Variants in KAZN observed in about 807,000 individuals in gnomAD.
KAZN encodes kazrin.
Under a neutral mutation model 87.4 loss-of-function variants are expected in KAZN, and 40 were observed. The observed-to-expected ratio is 0.46, with a 90% CI of 0.36 to 0.60. The LOEUF (loss-of-function observed/expected upper bound fraction) is 0.60. Among genes scored for constraint, KAZN ranks in the 20% least tolerant of loss-of-function variants. The pLI is 0.00. For missense variants in KAZN, 898 were observed against 1,073.9 expected (o/e 0.84, Z 2.29); for synonymous variants, 466 against 458.3 (o/e 1.02, Z -0.22).
chr1:14,728,403 C>T (rs991018188), intron 1 of KAZN, among the ~76,000 whole-genome samples: 7 of 151,362 alleles, frequency 4.6e-5, no homozygotes, highest in Non-Finnish European at 1.0e-4. Flanking sequence ...GATGAAGCTT[C>T]ACTTGCTCAC....
rs368643098 is a variant in KAZN, at chr1:13,962,079, A to G, written c.91+68323A>G. ...GAGCGTTGGCCATGCAGGAACGAAC[A>G]TTTGTCCTCTTTTTCCTGTTGTGCT... On this transcript the variant is annotated intron_variant, in intron 1 of 16. Transcript: ENST00000636203. Among the ~76,000 whole-genome samples, 61 of 152,252 alleles carry G rather than the reference A, an allele frequency of 4.0e-4. No individual in the cohort carries two copies. In the South Asian group the frequency reaches 0.012, roughly 30 times the overall value.
At chr1:14,912,402 AG>A (rs1310409452) in intron 1 of KAZN, among the ~76,000 whole-genome samples, 2 of 152,172 alleles carry the variant, frequency 1.3e-5, no homozygotes, top group Non-Finnish European at 2.9e-5. Flanking sequence ...GTAAGACAGT[AG>A]GGAGTGGAGG....
At chr1:14,990,211 T>G (rs942663555) in intron 2 of KAZN, among the ~76,000 whole-genome samples, 1 of 152,056 alleles carries the variant, frequency 6.6e-6, no homozygotes, top group Non-Finnish European at 1.5e-5. Flanking sequence ...CACTTGTTTT[T>G]GTTTGTTTGT....
At chr1:14,520,795 G>A (rs1252109418) in intron 2 of KAZN, among the ~76,000 whole-genome samples, 1 of 152,188 alleles carries the variant, frequency 6.6e-6, no homozygotes, top group African/African-American at 2.4e-5. Flanking sequence ...CTAAACCAAA[G>A]ATGGTTTTGT....
intron 1 of KAZN, among the ~76,000 whole-genome samples, chr1:13,978,441 GATAA>G (rs1638483446): frequency 6.6e-6 from 1 of 150,490 alleles, no homozygotes; most frequent in African/African-American, 2.4e-5. Context: ...AATAAAAGAA[GATAA>G]ATAATTACAT....
intron 1 of KAZN, among the ~76,000 whole-genome samples, chr1:14,080,885 A>C (rs1643650271): frequency 6.6e-6 from 1 of 152,190 alleles, no homozygotes. Flanking sequence ...CTCAGCACTA[A>C]ACAGCCCTGA....
intron 1 of KAZN, among the ~76,000 whole-genome samples, chr1:14,704,688 C>T (rs1465144621): frequency 6.6e-6 from 1 of 152,194 alleles, no homozygotes; most frequent in Non-Finnish European, 1.5e-5. Context: ...ATTTACTCCT[C>T]CCAGATCCTC....
At chr1:14,940,635 G>A (rs1660951040) in intron 1 of KAZN, among the ~76,000 whole-genome samples, 1 of 152,188 alleles carries the variant, frequency 6.6e-6, no homozygotes, top group South Asian at 2.1e-4. Flanking sequence ...GGTGGAGGAA[G>A]AGCTGCTGGA....
At chr1:13,953,219 T>C (rs913515813) in intron 1 of KAZN, among the ~76,000 whole-genome samples, 3 of 152,200 alleles carry the variant, frequency 2.0e-5, no homozygotes, top group Admixed American at 6.5e-5. Context: ...TTTGGCTTTA[T>C]TGACTCAGGG....
At chr1:14,763,947 A>G (rs1644813037) in intron 1 of KAZN, among the ~76,000 whole-genome samples, 1 of 152,048 alleles carries the variant, frequency 6.6e-6, no homozygotes, top group Admixed American at 6.6e-5. Flanking sequence ...CAGGGTTTCA[A>G]CATGTTGGCC....
At chr1:14,157,473 G>A (rs1002811973) in intron 1 of KAZN, among the ~76,000 whole-genome samples, 1 of 152,132 alleles carries the variant, frequency 6.6e-6, no homozygotes, top group South Asian at 2.1e-4. Flanking sequence ...TCTCTTTCAT[G>A]TTTGAAGGAT....
intron 1 of KAZN, among the ~76,000 whole-genome samples, chr1:14,941,890 C>T (rs1661121442): frequency 6.6e-6 from 1 of 152,080 alleles, no homozygotes; most frequent in Non-Finnish European, 1.5e-5. Flanking sequence ...TAACTAGAAC[C>T]CGGCATTGGT....
rs1239779075 is a variant in KAZN, at chr1:14,492,665, A to AACCACACACACACACC, written c.250-106317_250-106316insCCACACACACACACCA. Among the ~76,000 whole-genome samples the AACCACACACACACACC allele has an allele frequency of 9.7e-5, 3 of 30,880 alleles. 1 individual carries two copies. Among genetic ancestry groups the AACCACACACACACACC allele is most frequent in the African/African-American group, 1.3e-4 (1 of 7,846 alleles). The allele number at this position is 30,880 out of a possible 152,430, so 20.3% of individuals were successfully genotyped here. ...CATAACCACACATGCACACACCACA[A>AACCACACACACACACC]ATACACACTACACACCACACACACA... On this transcript the variant is annotated intron_variant, in intron 2 of 16. Transcript: ENST00000636203.
chr1:14,251,643 C>CTTTTTTTTTTTTTTTTTTTTTTTTTT (rs549092023), intron 2 of KAZN, among the ~76,000 whole-genome samples: 3 of 90,344 alleles, frequency 3.3e-5, no homozygotes, highest in African/African-American at 1.8e-4. Context: ...TTCTCCCGGA[C>CTTTTTTTTTTTTTTTTTTTTTTTTTT]TTTTTTTTTT....
chr1:14,363,965 ATATT>A (rs761517771), intron 2 of KAZN, among the ~76,000 whole-genome samples: 2 of 98,652 alleles, frequency 2.0e-5, no homozygotes, highest in Admixed American at 9.7e-5. Flanking sequence ...TTTACTCACA[ATATT>A]TTTTTTTTTT....
intron 1 of KAZN, among the ~76,000 whole-genome samples, chr1:13,966,637 C>T (rs1305565595): frequency 1.3e-5 from 2 of 152,088 alleles, no homozygotes; most frequent in Non-Finnish European, 2.9e-5. Flanking sequence ...CACAGTAGCC[C>T]CCTGGCCACA....
chr1:14,368,370 T>C (rs1020665129), intron 2 of KAZN, among the ~76,000 whole-genome samples: 9 of 152,228 alleles, frequency 5.9e-5, no homozygotes, highest in Admixed American at 1.3e-4. Flanking sequence ...GCTGTTTACC[T>C]AGAAGTGCAT....
At chr1:14,993,094 T>C (rs1252267857) in intron 2 of KAZN, among the ~76,000 whole-genome samples, 1 of 148,934 alleles carries the variant, frequency 6.7e-6, no homozygotes, top group Non-Finnish European at 1.5e-5. Flanking sequence ...CCCAAAGTGC[T>C]GGGATTACAG....
At chr1:14,319,506 G>A (rs1397347891) in intron 2 of KAZN, among the ~76,000 whole-genome samples, 4 of 152,092 alleles carry the variant, frequency 2.6e-5, no homozygotes, top group African/African-American at 9.7e-5. Flanking sequence ...AGAGGGAGGG[G>A]GGCTCTATGC....
Sources: gnomAD v4.1 joint callset for allele counts (sites outside exome capture counted in the v4.1 genomes callset) on GRCh38, gnomAD v4.1.1 for gene constraint, MANE v1.5 for transcripts, NCBI Gene and HGNC (gene_info 2026-07-23, HGNC 2026-07-21) for gene names.